Variants in WNK2 observed in about 807,000 individuals in gnomAD.
WNK2 encodes the protein serine/threonine-protein kinase WNK2.
A neutral mutation model predicts 192.1 loss-of-function variants in WNK2; 67 were observed. That is an observed-to-expected ratio of 0.35 (90% CI 0.29 to 0.43). WNK2 has a LOEUF of 0.43. Among genes scored for constraint, WNK2 ranks in the 20% least tolerant of loss-of-function variants. WNK2 has a pLI of 1.00. For synonymous variants in WNK2, 1,439 were observed against 1,393.9 expected (o/e 1.03, Z -0.72); for missense variants, 2,698 against 3,089.7 (o/e 0.87, Z 3.01).
chr9:93,184,955 A>G lies in WNK2; in HGVS notation c.26A>G (p.Asp9Gly), dbSNP rs1291472784. 19 of 1,154,832 alleles carry G rather than the reference A, an allele frequency of 1.6e-5. No homozygotes were observed. Among genetic ancestry groups the G allele is most frequent in the Non-Finnish European group, 2.0e-5 (19 of 943,306 alleles). 71.5% of individuals were successfully genotyped at this position (1,154,832 alleles called of 1,614,324 possible). A position where few individuals can be genotyped will look rare whatever the true frequency, so the allele number is the denominator to read the frequency against. The change falls in exon 2 of 30, where the codon GAC (aspartate) becomes GGC (glycine). Residue 9 changes from aspartate (D) to glycine (G), a missense_variant. Physicochemically the swap from Asp to Gly is moderately conservative, Grantham distance 94. This residue lies in a region of WNK2 where 260 missense variants were observed against 285.6 expected (regional missense o/e 0.91). Coordinates refer to ENST00000427277, the MANE Select transcript of WNK2 (RefSeq NM_006648.4). MDGDGGRR[D>G]VPGTLMEPGR... ...ATGGACGGCGATGGCGGCCGCCGAG[A>G]CGTCCCCGGCACGCTGATGGAGCCC... is the stretch of plus-strand genomic sequence containing the variant.
At chr9:93,208,781 G>GTTT (rs1563990397) in intron 2 of WNK2, among the ~76,000 whole-genome samples, 1 of 2,824 alleles carries the variant, frequency 3.5e-4, no homozygotes, top group African/African-American at 4.4e-4. Flanking sequence ...TGTGTTCTGC[G>GTTT]GCTGTGTGTG....
chr9:93,312,948 G>C (rs1211196581), intron 28 of WNK2, among the ~76,000 whole-genome samples: 1 of 152,160 alleles, frequency 6.6e-6, no homozygotes, highest in Non-Finnish European at 1.5e-5. Flanking sequence ...TCTCCAGCTT[G>C]CTGATTCTTT....
chr9:93,291,636 A>T (rs1415738451), intron 21 of WNK2, among the ~76,000 whole-genome samples: 1 of 152,108 alleles, frequency 6.6e-6, no homozygotes, highest in Non-Finnish European at 1.5e-5. Flanking sequence ...ACACGTGTAC[A>T]TGTGCGGGCG....
chr9:93,319,106 C>T (rs1186746840), intron 29 of WNK2: 1 of 1,613,960 alleles, frequency 6.2e-7, no homozygotes, highest in African/African-American at 1.3e-5. Context: ...CTCACCTGTC[C>T]CCCTTGCCTG....
chr9:93,231,141 GC>G (rs779070311), intron 4 of WNK2, 33 bp downstream of exon 4: 37 of 1,601,986 alleles, frequency 2.3e-5, no homozygotes, highest in Admixed American at 3.3e-5. Flanking sequence ...GGCCCTTGGA[GC>G]CCATGAGAAG....
At chr9:93,278,725 A>G (rs1358850271) in intron 19 of WNK2, among the ~76,000 whole-genome samples, 1 of 152,234 alleles carries the variant, frequency 6.6e-6, no homozygotes, top group African/African-American at 2.4e-5. Context: ...ACAACATAAG[A>G]AAAACCCTAC....
At chr9:93,287,132 A>T (rs1848562903) in intron 19 of WNK2, among the ~76,000 whole-genome samples, 1 of 152,226 alleles carries the variant, frequency 6.6e-6, no homozygotes, top group Non-Finnish European at 1.5e-5. Flanking sequence ...TGCTTTTAAA[A>T]ATGTGTTAAG....
In WNK2 at chr9:93,259,679, C is replaced by A; in HGVS notation, c.3066+65C>A. The stretch of plus-strand genomic sequence containing the variant: ...TGGGGACCCTCAGGACCCAGAGATG[C>A]AAAGGAGGACAGAGGCAGGCAAGGA... On this transcript the variant is annotated intron_variant, in intron 12 of 29. Coordinates refer to ENST00000427277, the MANE Select transcript of WNK2 (RefSeq NM_006648.4). This position sits in a 1 kb window ranked among gnomAD's most constrained non-coding sequence, Gnocchi z 4.8. The A allele has an allele frequency of 7.1e-7, 1 of 1,405,462 alleles. No homozygotes were observed. The highest frequency in any genetic ancestry group is 9.4e-7 in the Non-Finnish European group (1 of 1,064,032). 87.1% of individuals were successfully genotyped at this position (1,405,462 alleles called of 1,614,324 possible). A position where few individuals can be genotyped will look rare whatever the true frequency, so the allele number is the denominator to read the frequency against.
chr9:93,263,048 C>T (rs942278155), intron 14 of WNK2, among the ~76,000 whole-genome samples: 1 of 152,152 alleles, frequency 6.6e-6, no homozygotes, highest in Admixed American at 6.5e-5. Context: ...AGGGTGGCCC[C>T]CTGTGTACAG....
chr9:93,258,032 C>G (rs926209848), intron 11 of WNK2, among the ~76,000 whole-genome samples: 13 of 152,214 alleles, frequency 8.5e-5, no homozygotes, highest in African/African-American at 3.1e-4. Flanking sequence ...CTGGAAGATT[C>G]TTTTGTGTTG....
rs1852666010 is a variant in WNK2, at chr9:93,306,904, C to CCGGG, written c.6259+90_6259+93dup. 9.4e-6 allele frequency: 15 copies of CCGGG among 1,588,536 alleles called. No individual in the cohort carries two copies. In the South Asian group the frequency reaches 1.7e-4, roughly 18 times the overall value. On this transcript the variant is annotated intron_variant, in intron 27 of 29. Coordinates refer to ENST00000427277, the MANE Select transcript of WNK2 (RefSeq NM_006648.4). ...CTAGCGCACATCAGGGTTCCCGCGG[C>CCGGG]CGGGCGGGCGTGGGCCTGCCCTGTG...
chr9:93,268,924 A>G, intron 19 of WNK2, 178 bp downstream of exon 19: 1 of 1,557,304 alleles, frequency 6.4e-7, no homozygotes, highest in Non-Finnish European at 8.7e-7. Flanking sequence ...TTTTCTGCTG[A>G]ATCAGCTCAG....
intron 19 of WNK2, among the ~76,000 whole-genome samples, chr9:93,270,484 A>C (rs554840476): frequency 6.6e-6 from 1 of 152,322 alleles, no homozygotes; most frequent in South Asian, 2.1e-4. Flanking sequence ...TACTTGGGAA[A>C]ATTTTAGCAG....
intron 28 of WNK2, among the ~76,000 whole-genome samples, chr9:93,312,800 G>A (rs1853911494): frequency 6.6e-6 from 1 of 152,124 alleles, no homozygotes; most frequent in African/African-American, 2.4e-5. Context: ...ATAAGAGTTA[G>A]CCTTCATCTC....
chr9:93,252,135 C>G (rs1030044867), intron 8 of WNK2, among the ~76,000 whole-genome samples: 1 of 152,190 alleles, frequency 6.6e-6, no homozygotes, highest in Non-Finnish European at 1.5e-5. Context: ...TTTTCGTTTT[C>G]CCCTCTGCTG....
Position 93,259,175 on chromosome 9 carries a change from T to C in WNK2, c.2627T>C (p.Ile876Thr). 1.2e-6 allele frequency: 2 copies of C among 1,612,050 alleles called. No homozygotes were observed. The highest frequency in any genetic ancestry group is 8.5e-7 in the Non-Finnish European group (1 of 1,179,570). Residue 876 changes from isoleucine to threonine, a missense_variant, in exon 12 of 30, where the codon ATT (isoleucine) becomes ACT (threonine). By Grantham distance (89) the Ile-to-Thr change is moderately conservative. Coordinates refer to ENST00000427277, the MANE Select transcript of WNK2 (RefSeq NM_006648.4). This position sits in a 1 kb window ranked among gnomAD's most constrained non-coding sequence, Gnocchi z 4.8. ...CCCCTGGCCATGCCCTGCCGGACCA[T>C]TGTGCCAAATGCACCGGCCACTATC... Reference protein sequence around the residue: ...GAPLAMPCRTIVPNAPATIPL... With the variant: ...GAPLAMPCRTTVPNAPATIPL...
At position 93,239,529 on chromosome 9, in the gene WNK2, T is replaced by C. The variant is rs567331115; in HGVS notation, c.1323-228T>C. 2.6e-5 allele frequency among the ~76,000 whole-genome samples: 4 copies of C among 152,232 alleles called. No homozygotes were observed. The highest frequency in any genetic ancestry group is 4.4e-5 in the Non-Finnish European group (3 of 68,036). On this transcript the variant is annotated intron_variant, in intron 6 of 29. Coordinates refer to ENST00000427277, the MANE Select transcript of WNK2 (RefSeq NM_006648.4). The surrounding 1 kb of genome is among the most constrained non-coding windows in gnomAD (Gnocchi z 4.2). ...ATTGAATCTTTTATGAGCATGTTTTTTTTTTTTATAATGAGGGGGAATAAA... is the reference window on the plus strand; with the variant it reads ...ATTGAATCTTTTATGAGCATGTTTTCTTTTTTTATAATGAGGGGGAATAAA...
intron 27 of WNK2, chr9:93,308,091 C>T (rs1852940293): frequency 2.7e-6 from 2 of 749,674 alleles, no homozygotes; most frequent in East Asian, 5.6e-5. Context: ...AGTCCTGTCC[C>T]CTGGCCTGGC....
At chr9:93,194,689 C>T (rs1053663251) in intron 2 of WNK2, among the ~76,000 whole-genome samples, 1 of 152,216 alleles carries the variant, frequency 6.6e-6, no homozygotes, top group Admixed American at 6.5e-5. Flanking sequence ...TGCAATCCAG[C>T]AACTGCGTTC....
Sources: gnomAD v4.1 joint callset for allele counts (sites outside exome capture counted in the v4.1 genomes callset) on GRCh38, gnomAD v4.1.1 for gene constraint, gnomAD v4.1.1 regional missense constraint, Gnocchi (gnomAD v3.1) non-coding constraint, MANE v1.5 for transcripts, NCBI Gene and HGNC (gene_info 2026-07-23, HGNC 2026-07-21) for gene names.